Variants in TMEM270 observed in about 807,000 individuals in gnomAD.
TMEM270 encodes the protein transmembrane protein 270.
A neutral mutation model predicts 29.9 loss-of-function variants in TMEM270; 30 were observed. That is an observed-to-expected ratio of 1.00 (90% CI 0.75 to 1.36). The LOEUF (loss-of-function observed/expected upper bound fraction) is 1.36, where lower values mean the gene tolerates loss of function less well. TMEM270 is among the 40% of genes most tolerant of loss of function. TMEM270 has a pLI of 0.00. For synonymous variants in TMEM270, 135 were observed against 139.8 expected, an observed-to-expected ratio of 0.97 and a Z score of 0.24; for missense variants, 313 against 307.1, an observed-to-expected ratio of 1.02 and a Z score of -0.14.
chr7:73,860,880 C>A (rs1788757494), upstream of TMEM270, among the ~76,000 whole-genome samples: 1 of 152,154 alleles, frequency 6.6e-6, no homozygotes, highest in South Asian at 2.1e-4. Flanking sequence ...CTCCTGGCCT[C>A]AAGCGATCCT....
chr7:73,864,971 GTCTC>G lies in TMEM270; in HGVS notation c.73-14_73-11del, dbSNP rs781911600. The G allele has an allele frequency of 5.2e-5, 75 of 1,450,458 alleles. No individual in the cohort carries two copies. Among genetic ancestry groups the G allele is most frequent in the Middle Eastern group, 1.8e-4 (1 of 5,410 alleles). 89.8% of individuals were successfully genotyped at this position (1,450,458 alleles called of 1,614,324 possible). A position where few individuals can be genotyped will look rare whatever the true frequency, so the allele number is the denominator to read the frequency against. ...AGGAGGGTGATGATGGCTGACGGTT[GTCTC>G]TCTCTCTTCTTCTGCAGTTGGTTCA... On this transcript the variant is annotated intron_variant, in intron 1 of 2. Coordinates refer to ENST00000320531, the MANE Select transcript of TMEM270 (RefSeq NM_182504.4).
At position 73,861,173 on chromosome 7, in the gene TMEM270, G is replaced by C. The variant is rs374046266; in HGVS notation, c.-22G>C. ...GAGGTCACCCTGCTTCTCCCAGCTG[G>C]AGTAGGTGGGGGAGGCCAGACATGG... On this transcript the variant is annotated 5_prime_UTR_variant, in exon 1 of 3. Transcript: ENST00000320531. 213 of 1,613,170 alleles carry C rather than the reference G, an allele frequency of 1.3e-4. No homozygotes were observed. Among genetic ancestry groups the C allele is most frequent in the Non-Finnish European group, 1.7e-4 (204 of 1,179,452 alleles).
upstream of TMEM270, chr7:73,861,046 T>C (rs1554639147): frequency 8.1e-6 from 6 of 743,150 alleles, no homozygotes; most frequent in Non-Finnish European, 1.4e-5. Context: ...GGACTGAGGT[T>C]TCAGAGGAAG....
rs782112426 is a variant in TMEM270, at chr7:73,865,029, C to A, written c.109C>A (p.Leu37Ile). 1 of 1,514,066 alleles carries A rather than the reference C, an allele frequency of 6.6e-7. No homozygotes were observed. Among genetic ancestry groups the A allele is most frequent in the Admixed American group, 2.3e-5 (1 of 44,194 alleles). 93.8% of individuals were successfully genotyped at this position (1,514,066 alleles called of 1,614,324 possible). ...QNRDHLYNFLLLKINLFNHWV... is the reference protein window; with the variant it reads ...QNRDHLYNFLILKINLFNHWV... ...CCGAGATCACCTCTATAATTTCCTGCTCCTCAAGATCAACCTCTTCAACCA... is the reference window on the plus strand; with the variant it reads ...CCGAGATCACCTCTATAATTTCCTGATCCTCAAGATCAACCTCTTCAACCA... The change falls in exon 2 of 3, where the codon CTC becomes ATC. Residue 37 changes from leucine to isoleucine, a missense_variant. Physicochemically the swap from Leu to Ile is conservative, Grantham distance 5 (BLOSUM62 2). Coordinates refer to ENST00000320531, the MANE Select transcript of TMEM270 (RefSeq NM_182504.4).
chr7:73,862,808 C>T (rs190612262), intron 1 of TMEM270, among the ~76,000 whole-genome samples: 7 of 141,968 alleles, frequency 4.9e-5, no homozygotes, highest in Admixed American at 2.3e-4. Context: ...TGCGGTGAGC[C>T]GAGATCCCAC....
At chr7:73,862,196 C>T (rs986033204) in intron 1 of TMEM270, among the ~76,000 whole-genome samples, 3 of 151,710 alleles carry the variant, frequency 2.0e-5, no homozygotes, top group Non-Finnish European at 2.9e-5. Context: ...CAACTTCCAC[C>T]TCCAGGTTCA....
chr7:73,865,503 G>A, intron 2 of TMEM270, 74 bp from the exon 3 acceptor site: 6 of 1,579,642 alleles, frequency 3.8e-6, no homozygotes, highest in Non-Finnish European at 3.4e-6. Flanking sequence ...GGGCTTGCAG[G>A]GGGGAGCCAC....
intron 2 of TMEM270, 50 bp downstream of exon 2, chr7:73,865,471 C>G: frequency 6.3e-7 from 1 of 1,585,322 alleles, no homozygotes; most frequent in Non-Finnish European, 8.6e-7. Flanking sequence ...ACCTGGGGTA[C>G]TGGGTGTGGT....
chr7:73,862,775 G>T (rs1265641015), intron 1 of TMEM270, among the ~76,000 whole-genome samples: 3 of 148,482 alleles, frequency 2.0e-5, no homozygotes, highest in South Asian at 4.3e-4. Context: ...CAGGAGAATC[G>T]CTTGAACCTG....
rs56933025 is a variant in TMEM270, at chr7:73,865,120, G to T, written c.200G>T (p.Gly67Val). 1.8e-4 allele frequency: 281 copies of T among 1,599,602 alleles called. No individual in the cohort carries two copies. In the African/African-American group the frequency reaches 3.4e-3, roughly 19 times the overall value. The change falls in exon 2 of 3, where the codon GGA (glycine) becomes GTA (valine). Residue 67 changes from glycine (G) to valine (V), a missense_variant. Transcript: ENST00000320531. The stretch of plus-strand genomic sequence containing the variant: ...AACTGGCAGGCCCACCTACCCCTGG[G>T]AGCTGCAGCCTGCCCCCTGGGCCAG... ...SCNWQAHLPLGAAACPLGQAL... is the reference protein window; with the variant it reads ...SCNWQAHLPLVAAACPLGQAL...
chr7:73,865,434 G>A lies in TMEM270; in HGVS notation c.501+13G>A, dbSNP rs377450849. The A allele has an allele frequency of 2.2e-5, 35 of 1,602,400 alleles. No individual in the cohort carries two copies. The East Asian group carries it at 2.5e-4, about 11-fold the overall frequency. Reference sequence around the variant, plus strand: ...GCAGCTCAGTAAGGTGGGTGGTCTCGGGGTGAGGCTGGGGTGTGGAGGGCA... The same window carrying A: ...GCAGCTCAGTAAGGTGGGTGGTCTCAGGGTGAGGCTGGGGTGTGGAGGGCA... On this transcript the variant is annotated intron_variant, in intron 2 of 2. Coordinates refer to ENST00000320531, the MANE Select transcript of TMEM270 (RefSeq NM_182504.4).
intron 1 of TMEM270, 86 bp from the exon 2 acceptor site, chr7:73,864,907 A>AAG: frequency 1.6e-6 from 2 of 1,270,314 alleles, no homozygotes; most frequent in East Asian, 2.6e-5. Flanking sequence ...CCGTCTCAAA[A>AAG]AAAAAAAAAA....
Position 73,865,132 on chromosome 7 carries a change from G to C in TMEM270, c.212G>C (p.Cys71Ser), listed in dbSNP as rs1554639756. The C allele has an allele frequency of 1.2e-6, 2 of 1,604,478 alleles. No individual in the cohort carries two copies. Among genetic ancestry groups the C allele is most frequent in the East Asian group, 4.5e-5 (2 of 44,580 alleles). ...QAHLPLGAAA[C>S]PLGQALWAGL... ...CACCTACCCCTGGGAGCTGCAGCCT[G>C]CCCCCTGGGCCAGGCTCTCTGGGCT... is the stretch of plus-strand genomic sequence containing the variant. The change falls in exon 2 of 3, where the codon TGC (cysteine) becomes TCC (serine). Residue 71 changes from cysteine (C) to serine (S), a missense_variant. By Grantham distance (112) the Cys-to-Ser change is moderately radical. Coordinates refer to ENST00000320531, the MANE Select transcript of TMEM270 (RefSeq NM_182504.4).
rs551418008 is a variant in TMEM270 at position 73,862,177 on chromosome 7, G to C, written c.72+911G>C. Among the ~76,000 whole-genome samples, 90 of 150,702 alleles carry C rather than the reference G, an allele frequency of 6.0e-4. 2 individuals carry two copies. The South Asian group carries it at 0.019, about 32-fold the overall frequency. ...GGCTGCAGTGTAATGGTGCGATCTC[G>C]GCTCACTGCAACTTCCACCTCCAGG... is the stretch of plus-strand genomic sequence containing the variant. On this transcript the variant is annotated intron_variant, in intron 1 of 2. Transcript: ENST00000320531.
rs1554639732 is a variant in TMEM270, at chr7:73,865,053, C to A, written c.133C>A (p.His45Asn). The A allele has an allele frequency of 1.3e-6, 2 of 1,526,800 alleles. No individual in the cohort carries two copies. Among genetic ancestry groups the A allele is most frequent in the Middle Eastern group, 1.8e-4 (1 of 5,684 alleles). 94.6% of individuals were successfully genotyped at this position (1,526,800 alleles called of 1,614,324 possible). A position where few individuals can be genotyped will look rare whatever the true frequency, so the allele number is the denominator to read the frequency against. The stretch of plus-strand genomic sequence containing the variant: ...GCTCCTCAAGATCAACCTCTTCAAC[C>A]ACTGGGTGTCAGGGCTGGCCCAGGA... ...FLLLKINLFN[H>N]WVSGLAQEAR... The change falls in exon 2 of 3, where the codon CAC (histidine) becomes AAC (asparagine). Residue 45 changes from histidine (H) to asparagine (N), a missense_variant. His to Asn is a moderately conservative substitution (Grantham distance 68). Coordinates refer to ENST00000320531, the MANE Select transcript of TMEM270 (RefSeq NM_182504.4).
In TMEM270 at chr7:73,865,345, C is replaced by T; in HGVS notation, c.425C>T (p.Ala142Val). The stretch of plus-strand genomic sequence containing the variant: ...TGTCTGCACGGCCTGATGTTGGTGG[C>T]CTTGCTCTTGGTGGTAGTGACCTGG... Reference protein sequence around the residue: ...LSCLHGLMLVALLLVVVTWRV... With the variant: ...LSCLHGLMLVVLLLVVVTWRV... Residue 142 changes from alanine (A) to valine (V), a missense_variant, in exon 2 of 3, where the codon GCC (alanine) becomes GTC (valine). By Grantham distance (64) the Ala-to-Val change is moderately conservative. Coordinates refer to ENST00000320531, the MANE Select transcript of TMEM270 (RefSeq NM_182504.4). 1 of 1,613,676 alleles carries T rather than the reference C, an allele frequency of 6.2e-7. No individual in the cohort carries two copies. Among genetic ancestry groups the T allele is most frequent in the Non-Finnish European group, 8.5e-7 (1 of 1,180,016 alleles).
At chr7:73,860,905 C>T (rs1649687254), upstream of TMEM270, among the ~76,000 whole-genome samples, 1 of 152,144 alleles carries the variant, frequency 6.6e-6, no homozygotes, top group African/African-American at 2.4e-5. Flanking sequence ...CCTTGGCCTC[C>T]CAAAGCATTG....
At position 73,865,205 on chromosome 7, in the gene TMEM270, C is replaced by A. The variant is rs782661191; in HGVS notation, c.285C>A (p.Pro95=). 1.2e-5 allele frequency: 19 copies of A among 1,613,796 alleles called. No homozygotes were observed. The highest frequency in any genetic ancestry group is 1.6e-5 in the Non-Finnish European group (19 of 1,179,986). ...CCGTATGGCTGGTGCTACAGGGACCCAGGCTGATGTGGGCTGGCATGTGGG... is the reference window on the plus strand; with the variant it reads ...CCGTATGGCTGGTGCTACAGGGACCAAGGCTGATGTGGGCTGGCATGTGGG... The part of the protein sequence containing the change: ...QVPVWLVLQG[P]RLMWAGMWGS... Residue 95 remains proline, a synonymous_variant, in exon 2 of 3, where the codon CCC becomes CCA. Transcript: ENST00000320531.
intron 1 of TMEM270, among the ~76,000 whole-genome samples, chr7:73,861,847 G>A (rs1307139488): frequency 1.3e-5 from 2 of 152,096 alleles, no homozygotes; most frequent in African/African-American, 4.8e-5. Flanking sequence ...TGCCCAGGCT[G>A]GAGTGCAGTG....
Sources: gnomAD v4.1 joint callset for allele counts (sites outside exome capture counted in the v4.1 genomes callset) on GRCh38, gnomAD v4.1.1 for gene constraint, MANE v1.5 for transcripts, NCBI Gene and HGNC (gene_info 2026-07-23, HGNC 2026-07-21) for gene names.